RGS22: variants seen among roughly 807,000 people sequenced by gnomAD.
RGS22 encodes regulator of G-protein signaling 22.
A neutral mutation model predicts 172.9 loss-of-function variants in RGS22; 148 were observed. The ratio of observed to expected loss-of-function variants is 0.86; its 90% CI spans 0.75 to 0.98. The LOEUF (loss-of-function observed/expected upper bound fraction) is 0.98, where lower values mean the gene tolerates loss of function less well. Ranked by LOEUF, RGS22 falls within the 50% of genes least tolerant of loss-of-function variation. The pLI, the probability that RGS22 is intolerant of heterozygous loss-of-function variation, is 0.00. For synonymous variants in RGS22, 458 were observed against 480.2 expected, an observed-to-expected ratio of 0.95 and a Z score of 0.60; for missense variants, 1,347 against 1,440.8, an observed-to-expected ratio of 0.93 and a Z score of 1.05.
chr8:100,008,622 T>G, intron 14 of RGS22, 53 bp from the exon 15 acceptor site: 1 of 1,374,992 alleles, frequency 7.3e-7, no homozygotes, highest in Non-Finnish European at 1.0e-6. Context: ...CCACAATGGT[T>G]AGCAGACACC....
At chr8:99,989,927 TAGAC>T (rs896230065) in intron 20 of RGS22, among the ~76,000 whole-genome samples, 33 of 151,756 alleles carry the variant, frequency 2.2e-4, no homozygotes, top group Admixed American at 6.6e-4. Context: ...GATAGACAGA[TAGAC>T]AGACAGATAA....
At chr8:100,064,164 C>T (rs1810370288) in intron 7 of RGS22, 121 bp from the exon 8 acceptor site, 1 of 701,762 alleles carries the variant, frequency 1.4e-6, no homozygotes, top group Non-Finnish European at 2.1e-6. Flanking sequence ...CTGCATGGAC[C>T]GGTGTCTTAA....
intron 4 of RGS22, among the ~76,000 whole-genome samples, chr8:100,076,278 C>T (rs919857978): frequency 2.0e-5 from 3 of 152,108 alleles, no homozygotes; most frequent in Non-Finnish European, 2.9e-5. Context: ...AAAACCAATG[C>T]ATAATCCAAG....
chr8:100,081,007 G>C (rs1203528368), intron 3 of RGS22, among the ~76,000 whole-genome samples: 2 of 152,176 alleles, frequency 1.3e-5, no homozygotes, highest in Non-Finnish European at 2.9e-5. Flanking sequence ...TGTGACTCTA[G>C]GTAAATCACT....
At chr8:100,012,186 C>G (rs1480553377) in intron 14 of RGS22, among the ~76,000 whole-genome samples, 1 of 151,940 alleles carries the variant, frequency 6.6e-6, no homozygotes, top group Admixed American at 6.6e-5. Flanking sequence ...CTGTGAGGTC[C>G]ATGACACGCA....
intron 8 of RGS22, 136 bp from the exon 9 acceptor site, chr8:100,062,888 A>T: frequency 1.5e-6 from 1 of 689,278 alleles, no homozygotes; most frequent in Non-Finnish European, 2.4e-6. Context: ...AGGTTCTTCA[A>T]CTTACAGTAA....
chr8:99,961,671 T>C (rs547232367), intron 27 of RGS22, among the ~76,000 whole-genome samples: 1 of 152,218 alleles, frequency 6.6e-6, no homozygotes, highest in East Asian at 1.9e-4. Flanking sequence ...ACAGTTGTCA[T>C]AAGGATCAAA....
Position 100,102,928 on chromosome 8 carries a change from T to C in RGS22, c.54+2446A>G, listed in dbSNP as rs374658180. On this transcript the variant is annotated intron_variant, in intron 2 of 27. Coordinates refer to ENST00000360863, the MANE Select transcript of RGS22 (RefSeq NM_015668.5). ...TTTACCAGTTATGAGATATGTGGCC[T>C]CAGGCCCAGTTAGTTAACCACTGTG... Among the ~76,000 whole-genome samples the C allele has an allele frequency of 2.6e-5, 4 of 152,346 alleles. No individual in the cohort carries two copies. The South Asian group carries it at 8.3e-4, about 32-fold the overall frequency.
rs202058839 is a variant in RGS22 at position 99,965,293 on chromosome 8, C to T, written c.3615+42G>A. 9 of 1,332,830 alleles carry T rather than the reference C, an allele frequency of 6.8e-6. No homozygotes were observed. In the East Asian group the frequency reaches 2.1e-4, roughly 31 times the overall value. 82.6% of individuals were successfully genotyped at this position (1,332,830 alleles called of 1,614,324 possible). ...AGTTACTGCATTCCACTATCCAATG[C>T]TCCAGCGGGGAAATGAGGTCTGCAC... is the stretch of plus-strand genomic sequence containing the variant. On this transcript the variant is annotated intron_variant, in intron 24 of 27. Transcript: ENST00000360863.
chr8:100,047,762 T>C (rs987720931), intron 10 of RGS22, among the ~76,000 whole-genome samples, 166 bp from the exon 11 acceptor site: 2 of 152,194 alleles, frequency 1.3e-5, no homozygotes, highest in Non-Finnish European at 2.9e-5. Context: ...ACTCCTACTT[T>C]TATGCAAGCT....
At position 100,011,590 on chromosome 8, in the gene RGS22, A is replaced by G. The variant is rs143810111; in HGVS notation, c.2167-3021T>C. Among the ~76,000 whole-genome samples the G allele has an allele frequency of 6.4e-3, 969 of 152,304 alleles. 11 individuals carry two copies. Among genetic ancestry groups the G allele is most frequent in the African/African-American group, 0.021 (884 of 41,556 alleles). On this transcript the variant is annotated intron_variant, in intron 14 of 27. Transcript: ENST00000360863. ...GTCTCGCAATGATGAGGAGACAAGGATTATAGTTCAGGACCTGTCAGTGGG... is the reference window on the plus strand; with the variant it reads ...GTCTCGCAATGATGAGGAGACAAGGGTTATAGTTCAGGACCTGTCAGTGGG...
rs1176571449 is a variant in RGS22 at position 100,063,906 on chromosome 8, GAGA to G, written c.859_861del (p.Ser287del). ...TCAAGGTATACTCTCAGAAGAGCTT[GAGA>G]AGGAGTGTCTTGTAGAGATACAGAC... is the stretch of plus-strand genomic sequence containing the variant. On this transcript the variant is annotated inframe_deletion, in exon 8 of 28. Coordinates refer to ENST00000360863, the MANE Select transcript of RGS22 (RefSeq NM_015668.5). The G allele has an allele frequency of 1.2e-6, 2 of 1,608,576 alleles. No individual in the cohort carries two copies. Among genetic ancestry groups the G allele is most frequent in the Non-Finnish European group, 1.7e-6 (2 of 1,177,420 alleles).
At chr8:99,981,896 C>T (rs761694288) in intron 22 of RGS22, 41 bp downstream of exon 22, 1 of 1,529,338 alleles carries the variant, frequency 6.5e-7, no homozygotes, top group East Asian at 2.3e-5. Context: ...GATTGTCAAT[C>T]TATTTTAAAA....
chr8:100,086,491 T>C (rs1703304120), intron 3 of RGS22, among the ~76,000 whole-genome samples: 1 of 152,048 alleles, frequency 6.6e-6, no homozygotes, highest in Non-Finnish European at 1.5e-5. Flanking sequence ...TTTTCACTTA[T>C]AAGTGGGAAC....
intron 9 of RGS22, among the ~76,000 whole-genome samples, chr8:100,053,800 T>G (rs1453046851): frequency 6.6e-6 from 1 of 151,948 alleles, no homozygotes; most frequent in Non-Finnish European, 1.5e-5. Context: ...CATGCCCGGC[T>G]AATTTTTTGT....
chr8:100,002,306 G>A lies in RGS22; in HGVS notation c.2686C>T (p.Arg896Ter), dbSNP rs772854946. 1.1e-5 allele frequency: 18 copies of A among 1,610,950 alleles called. No individual in the cohort carries two copies. Among genetic ancestry groups the A allele is most frequent in the Non-Finnish European group, 1.4e-5 (17 of 1,179,032 alleles). ...ATAGATTTTGCCTTCCTTTGATTTC[G>A]ATCTCTGTAAGTTATTCTCCGGAAC... ...EQFRRITYRD[R>*]NQRKAKSIYI... The change falls in exon 18 of 28, where the codon CGA (arginine) becomes TGA (stop). Residue 896 changes from arginine (R) to a stop codon, truncating the protein, a stop_gained. Coordinates refer to ENST00000360863, the MANE Select transcript of RGS22 (RefSeq NM_015668.5). LOFTEE classifies it high-confidence loss of function.
chr8:100,002,421 G>A (rs1815194783), intron 17 of RGS22, 57 bp from the exon 18 acceptor site: 3 of 1,494,648 alleles, frequency 2.0e-6, no homozygotes, highest in African/African-American at 2.9e-5. Context: ...CTAAATTCTA[G>A]TAAACACCCG....
At chr8:99,970,644 T>A (rs1259074718) in intron 23 of RGS22, among the ~76,000 whole-genome samples, 2 of 152,154 alleles carry the variant, frequency 1.3e-5, no homozygotes, top group African/African-American at 4.8e-5. Context: ...ATGGATAAAT[T>A]CATGGACACA....
chr8:100,100,974 T>C (rs922596603), intron 2 of RGS22, among the ~76,000 whole-genome samples: 5 of 152,162 alleles, frequency 3.3e-5, no homozygotes, highest in African/African-American at 7.2e-5. Context: ...TTCAACAAAA[T>C]AGATCATTAC....
Sources: gnomAD v4.1 joint callset for allele counts (sites outside exome capture counted in the v4.1 genomes callset) on GRCh38, gnomAD v4.1.1 for gene constraint, MANE v1.5 for transcripts, NCBI Gene and HGNC (gene_info 2026-07-23, HGNC 2026-07-21) for gene names.